EML6: variants seen among roughly 807,000 people sequenced by gnomAD.
The protein encoded by EML6 is EMAP like 6, also known as echinoderm microtubule-associated protein-like 6.
A neutral mutation model predicts 240.1 loss-of-function variants in EML6; 154 were observed. The observed-to-expected ratio is 0.64, with a 90% CI of 0.56 to 0.73. The LOEUF is 0.73. Ranked by LOEUF, EML6 falls within the 30% of genes least tolerant of loss-of-function variation. The pLI, the probability that EML6 is intolerant of heterozygous loss-of-function variation, is 0.00. For synonymous variants in EML6, 1,148 were observed against 899.0 expected (o/e 1.28, Z -4.95); for missense variants, 2,964 against 2,474.6 (o/e 1.20, Z -4.20).
intron 26 of EML6, among the ~76,000 whole-genome samples, chr2:54,922,480 G>T (rs1221183087): frequency 1.3e-5 from 2 of 152,066 alleles, no homozygotes; most frequent in Middle Eastern, 3.2e-3. Flanking sequence ...TATGGAAAAC[G>T]ATATGGAGGT....
chr2:54,886,759 A>G (rs1335015422), intron 17 of EML6, among the ~76,000 whole-genome samples: 1 of 152,068 alleles, frequency 6.6e-6, no homozygotes, highest in Non-Finnish European at 1.5e-5. Context: ...TTGTCTTTTT[A>G]TTATTGAGTT....
At chr2:54,879,503 T>G in intron 16 of EML6, 44 bp from the exon 17 acceptor site, 2 of 1,339,478 alleles carry the variant, frequency 1.5e-6, no homozygotes, top group Non-Finnish European at 2.1e-6. Flanking sequence ...AATGTTTTGT[T>G]TTTTCATGGA....
intron 15 of EML6, among the ~76,000 whole-genome samples, 173 bp from the exon 16 acceptor site, chr2:54,871,327 T>G (rs1195894559): frequency 6.6e-6 from 1 of 152,248 alleles, no homozygotes; most frequent in South Asian, 2.1e-4. Context: ...AGAGATACAG[T>G]GCCTCAGTTT....
intron 8 of EML6, among the ~76,000 whole-genome samples, chr2:54,844,539 C>G (rs1669645759): frequency 6.6e-6 from 1 of 152,222 alleles, no homozygotes; most frequent in Admixed American, 6.5e-5. Context: ...GCACACTCAT[C>G]TATGATGAAA....
intron 6 of EML6, 95 bp downstream of exon 6, chr2:54,827,846 A>T (rs147890836): frequency 1.8e-5 from 16 of 883,014 alleles, no homozygotes; most frequent in Non-Finnish European, 2.8e-5. Flanking sequence ...CTTTAGAATC[A>T]GAGAACCCTG....
At position 54,859,675 on chromosome 2, in the gene EML6, A is replaced by G; in HGVS notation, c.1799A>G (p.Asn600Ser). The change falls in exon 12 of 42, where the codon AAC (asparagine) becomes AGC (serine). Residue 600 changes from asparagine (N) to serine (S), a missense_variant. Physicochemically the swap from Asn to Ser is conservative, Grantham distance 46 (BLOSUM62 1). Coordinates refer to ENST00000356458, the MANE Select transcript of EML6 (RefSeq NM_001039753.4). ...AGGTTTATTCCAGAAGGTGTCAGCA[A>G]CGGCATGCTGGAAACTGCACCCCAA... ...QWRFIPEGVS[N>S]GMLETAPQEG... 6.5e-7 allele frequency: 1 copy of G among 1,546,424 alleles called. No individual in the cohort carries two copies. Among genetic ancestry groups the G allele is most frequent in the East Asian group, 2.4e-5 (1 of 40,882 alleles).
intron 26 of EML6, among the ~76,000 whole-genome samples, chr2:54,926,032 C>T (rs752280351): frequency 6.6e-6 from 1 of 152,166 alleles, no homozygotes; most frequent in East Asian, 1.9e-4. Flanking sequence ...GGGGAGAGTG[C>T]ACAGCTTTCA....
At chr2:54,928,883 A>G (rs1267798534) in intron 28 of EML6, 132 bp downstream of exon 28, 2 of 1,071,406 alleles carry the variant, frequency 1.9e-6, no homozygotes, top group East Asian at 2.6e-5. Flanking sequence ...CAGAGTCTTC[A>G]CCTGTACACA....
Position 54,827,677 on chromosome 2 carries a change from T to A in EML6, c.637T>A (p.Ser213Thr). Residue 213 changes from serine (S) to threonine (T), a missense_variant, in exon 6 of 42, where the codon TCT (serine) becomes ACT (threonine). Ser to Thr is a moderately conservative substitution (Grantham distance 58). Transcript: ENST00000356458. The stretch of plus-strand genomic sequence containing the variant: ...ATGTGCCAAAGAAGACATCACCTAC[T>A]CTGGTGCTTTAAATGGTGACATCTA... ...LACAKEDITYSGALNGDIYVW... is the reference protein window; with the variant it reads ...LACAKEDITYTGALNGDIYVW... The A allele has an allele frequency of 6.4e-7, 1 of 1,551,672 alleles. No homozygotes were observed. Among genetic ancestry groups the A allele is most frequent in the South Asian group, 1.2e-5 (1 of 84,064 alleles).
At chr2:54,958,547 C>T (rs949333195) in intron 33 of EML6, among the ~76,000 whole-genome samples, 1 of 151,932 alleles carries the variant, frequency 6.6e-6, no homozygotes, top group East Asian at 1.9e-4. Flanking sequence ...CCACCCAGGA[C>T]AGGAGGTTTG....
At chr2:54,917,012 A>C in intron 26 of EML6, 77 bp downstream of exon 26, 1 of 1,172,846 alleles carries the variant, frequency 8.5e-7, no homozygotes, top group Non-Finnish European at 1.2e-6. Context: ...GTGCATTTTT[A>C]AAAATTTGAA....
In EML6 at chr2:54,849,957, T is replaced by C. The variant is rs549704579; in HGVS notation, c.1188-5T>C. 6 of 1,549,186 alleles carry C rather than the reference T, an allele frequency of 3.9e-6. No homozygotes were observed. Among genetic ancestry groups the C allele is most frequent in the Admixed American group, 2.0e-5 (1 of 50,884 alleles). Reference sequence around the variant, plus strand: ...TGCTTATCGTTTTGCTTTTTATTCTTACAGAGATATGACAGAAGTAGTTCA... The same window carrying C: ...TGCTTATCGTTTTGCTTTTTATTCTCACAGAGATATGACAGAAGTAGTTCA... On this transcript the variant is annotated splice_region_variant and splice_polypyrimidine_tract_variant and intron_variant, in intron 9 of 41. Coordinates refer to ENST00000356458, the MANE Select transcript of EML6 (RefSeq NM_001039753.4).
At chr2:54,945,637 C>G (rs562280041) in intron 28 of EML6, among the ~76,000 whole-genome samples, 64 of 152,290 alleles carry the variant, frequency 4.2e-4, no homozygotes, top group Middle Eastern at 3.4e-3. Flanking sequence ...AGAAGCTTCC[C>G]TGAGCACTTT....
rs1006704875 is a variant in EML6 at position 54,724,933 on chromosome 2, C to T, written c.-129C>T. The T allele has an allele frequency of 4.4e-6, 3 of 683,764 alleles. No homozygotes were observed. Among genetic ancestry groups the T allele is most frequent in the Non-Finnish European group, 6.0e-6 (3 of 501,266 alleles). The allele number at this position is 683,764 out of a possible 1,614,324, so 42.4% of individuals were successfully genotyped here. A position where few individuals can be genotyped will look rare whatever the true frequency, so the allele number is the denominator to read the frequency against. On this transcript the variant is annotated 5_prime_UTR_variant, in exon 2 of 42. Coordinates refer to ENST00000356458, the MANE Select transcript of EML6 (RefSeq NM_001039753.4). This position sits in a 1 kb window ranked among gnomAD's most constrained non-coding sequence, Gnocchi z 5.2. ...TGGCGGCCGGCCCGCTGGGCTGTGC[C>T]TGTGTGTCGCCGCGGAAATCAGCGC...
At chr2:54,855,388 C>T (rs991821503) in intron 11 of EML6, among the ~76,000 whole-genome samples, 1 of 152,008 alleles carries the variant, frequency 6.6e-6, no homozygotes, top group East Asian at 1.9e-4. Context: ...ACTTTTAGGA[C>T]AGCACCAAGA....
intron 25 of EML6, among the ~76,000 whole-genome samples, chr2:54,912,963 A>G (rs1021160440): frequency 2.0e-5 from 3 of 151,998 alleles, no homozygotes; most frequent in African/African-American, 7.3e-5. Flanking sequence ...ATTCTTTTTT[A>G]AGTTCTTTGA....
At chr2:54,925,061 A>G (rs903112125) in intron 26 of EML6, among the ~76,000 whole-genome samples, 2 of 152,110 alleles carry the variant, frequency 1.3e-5, no homozygotes, top group African/African-American at 2.4e-5. Context: ...TCCCAATGGG[A>G]CTGTATTTGG....
At chr2:54,755,194 A>G (rs1236492543) in intron 2 of EML6, among the ~76,000 whole-genome samples, 1 of 152,216 alleles carries the variant, frequency 6.6e-6, no homozygotes, top group Non-Finnish European at 1.5e-5. Flanking sequence ...AGGCAGCCCT[A>G]ATAAGTCTGT....
chr2:54,838,071 T>C (rs1041434027), intron 7 of EML6, among the ~76,000 whole-genome samples: 1 of 152,238 alleles, frequency 6.6e-6, no homozygotes, highest in African/African-American at 2.4e-5. Flanking sequence ...TCTGTGAGTT[T>C]GCAGTGCCAG....
Sources: gnomAD v4.1 joint callset for allele counts (sites outside exome capture counted in the v4.1 genomes callset) on GRCh38, gnomAD v4.1.1 for gene constraint, Gnocchi (gnomAD v3.1) non-coding constraint, MANE v1.5 for transcripts, NCBI Gene and HGNC (gene_info 2026-07-23, HGNC 2026-07-21) for gene names.